The following PGAP4 variants were observed in gnomAD, a reference collection of about 807,000 sequenced individuals.
The protein encoded by PGAP4 is post-GPI attachment to proteins GalNAc transferase 4.
A neutral mutation model predicts 28.2 loss-of-function variants in PGAP4; 12 were observed. The ratio of observed to expected loss-of-function variants is 0.42; its 90% CI spans 0.27 to 0.69. The LOEUF is 0.69. PGAP4 is among the 30% of genes least tolerant of loss of function. The probability of loss-of-function intolerance (pLI) is 0.22; values close to 1 mark genes in which losing one functional copy is unlikely to be tolerated. For synonymous variants in PGAP4, 205 were observed against 211.8 expected, an observed-to-expected ratio of 0.97 and a Z score of 0.28; for missense variants, 425 against 513.5, an observed-to-expected ratio of 0.83 and a Z score of 1.67.
chr9:101,525,077 C>T (rs1352726616), intron 2 of PGAP4, among the ~76,000 whole-genome samples: 1 of 152,148 alleles, frequency 6.6e-6, no homozygotes, highest in Non-Finnish European at 1.5e-5. Context: ...AGTGAATATA[C>T]GAGTGCATGT....
intron 2 of PGAP4, chr9:101,501,901 C>T: frequency 2.5e-6 from 1 of 401,818 alleles, no homozygotes; most frequent in Admixed American, 2.8e-5. Context: ...CGGCAGAGGC[C>T]TCCGATTGGA....
At chr9:101,512,595 A>G (rs1051942178) in intron 2 of PGAP4, among the ~76,000 whole-genome samples, 2 of 152,170 alleles carry the variant, frequency 1.3e-5, no homozygotes, top group African/African-American at 4.8e-5. Flanking sequence ...TTGTTTTTTA[A>G]CAGGATACAT....
intron 2 of PGAP4, among the ~76,000 whole-genome samples, chr9:101,509,009 T>C (rs910464944): frequency 5.9e-5 from 9 of 152,206 alleles, no homozygotes; most frequent in Non-Finnish European, 1.2e-4. Context: ...CAGTTAGGAT[T>C]TGAAGTTGTC....
chr9:101,498,282 T>C (rs1444394400), intron 2 of PGAP4, among the ~76,000 whole-genome samples: 3 of 151,908 alleles, frequency 2.0e-5, no homozygotes, highest in Non-Finnish European at 4.4e-5. Flanking sequence ...AAGTCTTTTG[T>C]TTGCCAGTCT....
chr9:101,495,577 G>C (rs61396182), intron 2 of PGAP4, among the ~76,000 whole-genome samples: 15,969 of 146,646 alleles, frequency 0.11, 1,006 homozygotes, highest in African/African-American at 0.16. Context: ...TACCAAAGAT[G>C]TCAAAGGTTT....
intron 2 of PGAP4, among the ~76,000 whole-genome samples, chr9:101,509,080 G>A (rs779076491): frequency 6.6e-5 from 10 of 152,158 alleles, no homozygotes; most frequent in Non-Finnish European, 1.0e-4. Flanking sequence ...CTCTTCTAGC[G>A]TGGACAAAGT....
intron 2 of PGAP4, among the ~76,000 whole-genome samples, chr9:101,510,612 C>T (rs991616442): frequency 6.6e-6 from 1 of 152,214 alleles, no homozygotes; most frequent in African/African-American, 2.4e-5. Flanking sequence ...TGCTCACAGT[C>T]TTAGTCTTCT....
chr9:101,519,828 A>G (rs1826973367), intron 2 of PGAP4, among the ~76,000 whole-genome samples: 1 of 152,044 alleles, frequency 6.6e-6, no homozygotes, highest in Non-Finnish European at 1.5e-5. Flanking sequence ...TTCCAATGTT[A>G]TCTTCTAGAA....
chr9:101,532,798 T>C (rs1301002586), exon 1 of PGAP4: 2 of 152,202 alleles, frequency 1.3e-5, no homozygotes, highest in Admixed American at 6.5e-5. Context: ...TCCCTGGTGT[T>C]GACCATCTTA....
intron 2 of PGAP4, among the ~76,000 whole-genome samples, chr9:101,516,140 G>A (rs1826941588): frequency 6.6e-6 from 1 of 151,996 alleles, no homozygotes; most frequent in Admixed American, 6.6e-5. Context: ...AAATTATGGT[G>A]TATCAATTAC....
intron 2 of PGAP4, among the ~76,000 whole-genome samples, chr9:101,521,100 C>G (rs561414907): frequency 6.6e-4 from 100 of 152,062 alleles, no homozygotes; most frequent in Middle Eastern, 3.4e-3. Flanking sequence ...CTTTTTGATA[C>G]GTTGTTGGAT....
chr9:101,507,293 G>A (rs1826855845), intron 2 of PGAP4, among the ~76,000 whole-genome samples: 1 of 152,058 alleles, frequency 6.6e-6, no homozygotes, highest in South Asian at 2.1e-4. Flanking sequence ...TAGTAGAGAA[G>A]GGACATAAGG....
intron 2 of PGAP4, among the ~76,000 whole-genome samples, chr9:101,496,881 CAT>C (rs1461895997): frequency 3.3e-5 from 5 of 150,422 alleles, no homozygotes; most frequent in African/African-American, 1.2e-4. Flanking sequence ...ACAAATTTAA[CAT>C]GACCTTCAAA....
intron 2 of PGAP4, among the ~76,000 whole-genome samples, chr9:101,504,087 C>T (rs769201292): frequency 6.6e-6 from 1 of 151,770 alleles, no homozygotes. Flanking sequence ...CAGAAAGGGA[C>T]CAATCAACCT....
At chr9:101,491,792 T>G (rs1270453256), upstream of PGAP4, among the ~76,000 whole-genome samples, 1 of 141,006 alleles carries the variant, frequency 7.1e-6, no homozygotes, top group African/African-American at 2.6e-5. Flanking sequence ...TAAATATTTT[T>G]AAAGAATGAA....
rs188137611 is a variant in PGAP4, at chr9:101,511,834, G to A, written c.-165+19514C>T. The stretch of plus-strand genomic sequence containing the variant: ...CCTACCAAGTATGGGTTATCAAGAT[G>A]TACTTGCTATAGTCTGTATGTTTTC... On this transcript the variant is annotated intron_variant, in intron 2 of 3. Coordinates refer to the PGAP4 transcript ENST00000374851. Among the ~76,000 whole-genome samples the A allele has an allele frequency of 6.6e-3, 1,004 of 152,220 alleles. 10 individuals are homozygous for A. The highest frequency in any genetic ancestry group is 8.6e-3 in the Non-Finnish European group (588 of 68,014).
intron 2 of PGAP4, among the ~76,000 whole-genome samples, chr9:101,492,602 G>T (rs113810313): frequency 1.7e-3 from 258 of 151,808 alleles, no homozygotes; most frequent in African/African-American, 5.9e-3. Flanking sequence ...AGATTGTTGG[G>T]TTTTTTTTCT....
chr9:101,500,530 GT>G (rs199578673), intron 2 of PGAP4, among the ~76,000 whole-genome samples: 6,196 of 144,378 alleles, frequency 0.043, 160 homozygotes, highest in Admixed American at 0.08. Flanking sequence ...TGCAAGACTT[GT>G]TTTTTTTTTT....
At chr9:101,513,585 C>T (rs956416185) in intron 2 of PGAP4, among the ~76,000 whole-genome samples, 3 of 152,156 alleles carry the variant, frequency 2.0e-5, no homozygotes, top group African/African-American at 7.2e-5. Flanking sequence ...TTGTAATGCA[C>T]ATGCCTCTTA....
Sources: gnomAD v4.1 joint callset for allele counts (sites outside exome capture counted in the v4.1 genomes callset) on GRCh38, gnomAD v4.1.1 for gene constraint, MANE v1.5 for transcripts, NCBI Gene and HGNC (gene_info 2026-07-23, HGNC 2026-07-21) for gene names.